PTPRK: variants seen among roughly 807,000 people sequenced by gnomAD.
PTPRK encodes the protein protein tyrosine phosphatase receptor type K, also known as receptor-type tyrosine-protein phosphatase kappa.
In PTPRK, 75 loss-of-function variants were observed where a neutral mutation model predicts 178.0. That is an observed-to-expected ratio of 0.42 (90% CI 0.35 to 0.51). The LOEUF is 0.51. Among genes scored for constraint, PTPRK ranks in the 20% least tolerant of loss-of-function variants. PTPRK has a pLI of 0.02. For missense variants in PTPRK, 1,441 were observed against 1,797.8 expected (o/e 0.80, Z 3.59); for synonymous variants, 637 against 620.6 (o/e 1.03, Z -0.39).
At chr6:128,204,960 T>C (rs575817479) in intron 6 of PTPRK, among the ~76,000 whole-genome samples, 1 of 152,110 alleles carries the variant, frequency 6.6e-6, no homozygotes, top group Non-Finnish European at 1.5e-5. Flanking sequence ...GATACATGCA[T>C]GTGTGTGTTC....
chr6:128,350,927 A>G (rs996107899), intron 2 of PTPRK, among the ~76,000 whole-genome samples: 8 of 152,348 alleles, frequency 5.3e-5, no homozygotes, highest in African/African-American at 1.9e-4. Context: ...GCAAAAAAAA[A>G]GAGTGACAAG....
chr6:128,250,422 A>C (rs1816280452), intron 3 of PTPRK, among the ~76,000 whole-genome samples: 1 of 152,218 alleles, frequency 6.6e-6, no homozygotes. Context: ...CATGTTCCTC[A>C]CAACATCATT....
chr6:128,070,710 A>G (rs759195882), intron 11 of PTPRK, among the ~76,000 whole-genome samples: 1 of 151,790 alleles, frequency 6.6e-6, no homozygotes, highest in South Asian at 2.1e-4. Context: ...ATGATATAAC[A>G]TTCACCCCAG....
At chr6:128,402,611 A>G (rs933680471) in intron 1 of PTPRK, among the ~76,000 whole-genome samples, 2 of 152,200 alleles carry the variant, frequency 1.3e-5, no homozygotes, top group African/African-American at 4.8e-5. Flanking sequence ...GGATATGCGA[A>G]TCATTTTTTT....
At chr6:128,250,653 A>T (rs529739281) in intron 3 of PTPRK, among the ~76,000 whole-genome samples, 1 of 152,344 alleles carries the variant, frequency 6.6e-6, no homozygotes, top group South Asian at 2.1e-4. Context: ...ATTAGAAATC[A>T]TGAAAACATA....
chr6:128,518,690 A>T (rs1183259541), intron 1 of PTPRK, among the ~76,000 whole-genome samples: 3 of 152,240 alleles, frequency 2.0e-5, no homozygotes, highest in Admixed American at 2.0e-4. Context: ...AAATGCATGC[A>T]GTAATGCTTA....
chr6:128,282,783 C>T (rs573014251), intron 3 of PTPRK, among the ~76,000 whole-genome samples: 7 of 151,934 alleles, frequency 4.6e-5, no homozygotes, highest in Admixed American at 2.6e-4. Flanking sequence ...TAGTAGATAC[C>T]CCCAGAAAGC....
intron 7 of PTPRK, among the ~76,000 whole-genome samples, chr6:128,108,819 C>A (rs1790152402): frequency 6.6e-6 from 1 of 151,990 alleles, no homozygotes; most frequent in Admixed American, 6.6e-5. Context: ...TGATGAGGTA[C>A]CTCTTCCAGA....
intron 3 of PTPRK, among the ~76,000 whole-genome samples, chr6:128,302,318 G>T (rs936209864): frequency 4.0e-5 from 6 of 150,220 alleles, no homozygotes; most frequent in Admixed American, 4.0e-4. Context: ...TGTGAACCCA[G>T]GAGGCGGAGC....
intron 13 of PTPRK, among the ~76,000 whole-genome samples, chr6:128,039,371 G>A (rs77522178): frequency 0.029 from 4,348 of 152,156 alleles, 220 homozygotes; most frequent in African/African-American, 0.1. Context: ...TCAGGTAGAC[G>A]TAGAAATACA....
At chr6:128,020,006 CA>C (rs1773245188) in intron 13 of PTPRK, among the ~76,000 whole-genome samples, 2 of 151,990 alleles carry the variant, frequency 1.3e-5, no homozygotes, top group Non-Finnish European at 2.9e-5. Flanking sequence ...GGAGTTGTTT[CA>C]TTGACAAATA....
At chr6:128,333,918 T>C (rs570164389) in intron 2 of PTPRK, among the ~76,000 whole-genome samples, 1 of 152,302 alleles carries the variant, frequency 6.6e-6, no homozygotes, top group African/African-American at 2.4e-5. Flanking sequence ...CCTGCAGTTA[T>C]TCCTTTAAGT....
At chr6:128,050,544 A>T (rs1778829861) in intron 13 of PTPRK, among the ~76,000 whole-genome samples, 1 of 152,220 alleles carries the variant, frequency 6.6e-6, no homozygotes, top group South Asian at 2.1e-4. Flanking sequence ...CTTCTCTTGC[A>T]TCATAATATG....
At chr6:128,502,064 A>G (rs17461178) in intron 1 of PTPRK, among the ~76,000 whole-genome samples, 19,273 of 152,256 alleles carry the variant, frequency 0.13, 1,577 homozygotes, top group Non-Finnish European at 0.19. Context: ...GTTTGTTAGT[A>G]CAAAGATGAT....
intron 13 of PTPRK, among the ~76,000 whole-genome samples, chr6:128,044,168 A>G (rs1364808268): frequency 1.4e-4 from 22 of 152,066 alleles, no homozygotes; most frequent in Admixed American, 1.4e-3. Flanking sequence ...TATTTTTTGC[A>G]CAATGTCACA....
At chr6:128,158,359 T>G (rs947030344) in intron 7 of PTPRK, among the ~76,000 whole-genome samples, 1 of 151,886 alleles carries the variant, frequency 6.6e-6, no homozygotes, top group Admixed American at 6.6e-5. Flanking sequence ...TGTATACATA[T>G]GTAACAAACC....
At chr6:128,342,745 A>G (rs1356102700) in intron 2 of PTPRK, among the ~76,000 whole-genome samples, 1 of 152,204 alleles carries the variant, frequency 6.6e-6, no homozygotes, top group Non-Finnish European at 1.5e-5. Flanking sequence ...AGCCAAGGGA[A>G]AAAGTATTAT....
intron 6 of PTPRK, among the ~76,000 whole-genome samples, chr6:128,203,070 G>C (rs762692323): frequency 3.3e-5 from 5 of 152,148 alleles, no homozygotes; most frequent in Non-Finnish European, 7.3e-5. Flanking sequence ...GATCAAGTTG[G>C]CTTCTTCCCC....
intron 1 of PTPRK, among the ~76,000 whole-genome samples, chr6:128,420,258 A>G (rs577743020): frequency 2.3e-4 from 35 of 152,340 alleles, no homozygotes; most frequent in African/African-American, 8.2e-4. Context: ...AATTGTCTCA[A>G]TGAGGTTAAA....
Sources: gnomAD v4.1 joint callset for allele counts (sites outside exome capture counted in the v4.1 genomes callset) on GRCh38, gnomAD v4.1.1 for gene constraint, MANE v1.5 for transcripts, NCBI Gene and HGNC (gene_info 2026-07-23, HGNC 2026-07-21) for gene names.